The following DCAF17 variants were observed in gnomAD, a reference collection of about 807,000 sequenced individuals.
DCAF17 encodes the protein DDB1- and CUL4-associated factor 17.
Under a neutral mutation model 66.0 loss-of-function variants are expected in DCAF17, and 48 were observed. That is an observed-to-expected ratio of 0.73 (90% CI 0.58 to 0.92). The LOEUF (loss-of-function observed/expected upper bound fraction) is 0.92. DCAF17 is among the 40% of genes least tolerant of loss of function. The pLI is 0.00. For synonymous variants in DCAF17, 206 were observed against 214.6 expected, an observed-to-expected ratio of 0.96 and a Z score of 0.35; for missense variants, 562 against 622.8, an observed-to-expected ratio of 0.90 and a Z score of 1.04.
At position 171,456,210 on chromosome 2, in the gene DCAF17, G is replaced by A. The variant is rs536293122; in HGVS notation, c.628-1761G>A. Among the ~76,000 whole-genome samples, 716 of 152,138 alleles carry A rather than the reference G, an allele frequency of 4.7e-3. 5 individuals are homozygous for A. The highest frequency in any genetic ancestry group is 7.6e-3 in the Non-Finnish European group (518 of 67,976). ...TTGCGTATGGTGTAAGGAAGGGGTC[G>A]AGTTTCAATTTTCTGCATATGGCTA... is the stretch of plus-strand genomic sequence containing the variant. On this transcript the variant is annotated intron_variant, in intron 6 of 13. Transcript: ENST00000375255.
At chr2:171,452,100 G>C (rs1476111) in intron 5 of DCAF17, among the ~76,000 whole-genome samples, 37,519 of 151,938 alleles carry the variant, frequency 0.25, 4,695 homozygotes, top group Admixed American at 0.31. Flanking sequence ...TTATCCCTTT[G>C]GAAGGGAGAA....
At chr2:171,462,868 A>T (rs1695666817) in intron 8 of DCAF17, among the ~76,000 whole-genome samples, 1 of 152,208 alleles carries the variant, frequency 6.6e-6, no homozygotes, top group African/African-American at 2.4e-5. Context: ...ATACATTGGT[A>T]AGTGGCATTA....
rs1332877924 is a variant in DCAF17, at chr2:171,481,754, A to C, written c.*640A>C. The stretch of plus-strand genomic sequence containing the variant: ...TTCTCTTGGCTTGATGTTCACATTG[A>C]ATATTTGTGTTTCTATATAGGCTAA... On this transcript the variant is annotated 3_prime_UTR_variant, in exon 14 of 14. Transcript: ENST00000375255. The C allele has an allele frequency of 4.4e-6, 2 of 453,584 alleles. No homozygotes were observed. The highest frequency in any genetic ancestry group is 3.1e-5 in the South Asian group (2 of 64,332). The allele number at this position is 453,584 out of a possible 1,614,324, so 28.1% of individuals were successfully genotyped here.
At chr2:171,459,184 T>C (rs976744714) in intron 8 of DCAF17, among the ~76,000 whole-genome samples, 3 of 152,244 alleles carry the variant, frequency 2.0e-5, no homozygotes, top group African/African-American at 7.2e-5. Context: ...GGCACATGCC[T>C]GTAATCCCAC....
rs536507350 is a variant in DCAF17 at position 171,453,208 on chromosome 2, A to G, written c.622A>G (p.Lys208Glu). 2 of 1,609,466 alleles carry G rather than the reference A, an allele frequency of 1.2e-6. No homozygotes were observed. Among genetic ancestry groups the G allele is most frequent in the African/African-American group, 2.7e-5 (2 of 74,960 alleles). Residue 208 changes from lysine (K) to glutamate (E), a missense_variant, in exon 6 of 14, where the codon AAA becomes GAA. Lys to Glu is a moderately conservative substitution (Grantham distance 56). Coordinates refer to ENST00000375255, the MANE Select transcript of DCAF17 (RefSeq NM_025000.4). ...FSLVGILEIN[K>E]KIFGNVTDAT... ...ACTTGTAGGGATTCTAGAGATCAAC[A>G]AAAAGGTAAGAACTCATTTCTTATT... is the stretch of plus-strand genomic sequence containing the variant.
chr2:171,484,983 A>T lies in DCAF17; in HGVS notation c.*3869A>T. ...AGTTTGTTTTTTTATCTTTCTGTTG[A>T]TGGACACTGGGCTCTTTCTGCTTGT... On this transcript the variant is annotated 3_prime_UTR_variant, in exon 14 of 14. Coordinates refer to ENST00000375255, the MANE Select transcript of DCAF17 (RefSeq NM_025000.4). 2.2e-6 allele frequency: 1 copy of T among 453,950 alleles called. No homozygotes were observed. The highest frequency in any genetic ancestry group is 4.4e-6 in the Non-Finnish European group (1 of 226,750). The allele number at this position is 453,950 out of a possible 1,614,324, so 28.1% of individuals were successfully genotyped here.
In DCAF17 at chr2:171,434,444, C is replaced by T; in HGVS notation, c.-134C>T. 1 of 1,459,182 alleles carries T rather than the reference C, an allele frequency of 6.9e-7. No individual in the cohort carries two copies. The highest frequency in any genetic ancestry group is 9.2e-7 in the Non-Finnish European group (1 of 1,082,702). 90.4% of individuals were successfully genotyped at this position (1,459,182 alleles called of 1,614,324 possible). ...GTCGGGTGCTCCCTGCCCGCCTCCC[C>T]GTGTCAGCTTTCCCTGGGCCCCGCC... On this transcript the variant is annotated 5_prime_UTR_variant, in exon 1 of 14. Coordinates refer to ENST00000375255, the MANE Select transcript of DCAF17 (RefSeq NM_025000.4).
intron 2 of DCAF17, among the ~76,000 whole-genome samples, chr2:171,441,222 C>CT (rs981141158): frequency 1.6e-4 from 25 of 152,316 alleles, no homozygotes; most frequent in African/African-American, 6.0e-4. Flanking sequence ...AGAGCTATCT[C>CT]TTTTATGGCC....
At chr2:171,478,158 G>A in intron 12 of DCAF17, 88 bp downstream of exon 12, 1 of 1,275,514 alleles carries the variant, frequency 7.8e-7, no homozygotes, top group African/African-American at 1.5e-5. Context: ...TCCTGGGGTA[G>A]AGGTTGGGGT....
chr2:171,483,715 A>C lies in DCAF17; in HGVS notation c.*2601A>C. ...TAGTCACTGTGATACAGTATAAGTA[A>C]AGTGGGTTGTCTCATTTAATATTCA... On this transcript the variant is annotated 3_prime_UTR_variant, in exon 14 of 14. Transcript: ENST00000375255. 1 of 454,106 alleles carries C rather than the reference A, an allele frequency of 2.2e-6. No individual in the cohort carries two copies. Among genetic ancestry groups the C allele is most frequent in the Non-Finnish European group, 4.4e-6 (1 of 226,790 alleles). 28.1% of individuals were successfully genotyped at this position (454,106 alleles called of 1,614,324 possible).
chr2:171,457,618 TTAAA>T (rs1375067111), intron 6 of DCAF17, among the ~76,000 whole-genome samples: 2 of 152,366 alleles, frequency 1.3e-5, no homozygotes, highest in Non-Finnish European at 1.5e-5. Flanking sequence ...GAATAGTAGA[TTAAA>T]TATTCATTTA....
chr2:171,444,581 A>T (rs1029829945), intron 3 of DCAF17, among the ~76,000 whole-genome samples: 25 of 152,180 alleles, frequency 1.6e-4, no homozygotes, highest in African/African-American at 5.8e-4. Context: ...AATCCAAAGA[A>T]ATTCAAATCT....
At chr2:171,479,156 A>G (rs1284125030) in intron 12 of DCAF17, among the ~76,000 whole-genome samples, 1 of 152,222 alleles carries the variant, frequency 6.6e-6, no homozygotes, top group Admixed American at 6.5e-5. Context: ...ATAAATCCAT[A>G]TAAATTTTTA....
At chr2:171,469,296 TCTCATGTAAAAC>T (rs1471254982) in intron 9 of DCAF17, among the ~76,000 whole-genome samples, 1 of 152,152 alleles carries the variant, frequency 6.6e-6, no homozygotes, top group Non-Finnish European at 1.5e-5. Context: ...CAGCAAGGAA[TCTCATGTAAAAC>T]CTCTCCACAG....
chr2:171,454,506 G>A (rs938537094), intron 6 of DCAF17, among the ~76,000 whole-genome samples: 7 of 151,924 alleles, frequency 4.6e-5, no homozygotes, highest in African/African-American at 1.4e-4. Context: ...GGATGGTCTC[G>A]ATCTCCTGAC....
intron 3 of DCAF17, among the ~76,000 whole-genome samples, chr2:171,447,867 G>A (rs935403656): frequency 2.0e-5 from 3 of 152,194 alleles, no homozygotes; most frequent in African/African-American, 7.2e-5. Context: ...TCCACCTTGT[G>A]GTGGCTCCTC....
chr2:171,457,151 A>G (rs942441133), intron 6 of DCAF17, among the ~76,000 whole-genome samples: 2 of 152,224 alleles, frequency 1.3e-5, no homozygotes, highest in Non-Finnish European at 2.9e-5. Context: ...GTCAGAGTAA[A>G]CAATACTTAT....
rs1035420657 is a variant in DCAF17 at position 171,481,470 on chromosome 2, A to T, written c.*356A>T. On this transcript the variant is annotated 3_prime_UTR_variant, in exon 14 of 14. Transcript: ENST00000375255. Reference sequence around the variant, plus strand: ...CATTGATGAGTTCTTAAAGGATGGTATGGAATTTTGTTTGTTAAGGCTAGG... The same window carrying T: ...CATTGATGAGTTCTTAAAGGATGGTTTGGAATTTTGTTTGTTAAGGCTAGG... The T allele has an allele frequency of 4.6e-5, 21 of 459,346 alleles. No individual in the cohort carries two copies. Among genetic ancestry groups the T allele is most frequent in the Admixed American group, 2.8e-4 (12 of 42,640 alleles). The allele number at this position is 459,346 out of a possible 1,614,324, so 28.5% of individuals were successfully genotyped here. A position where few individuals can be genotyped will look rare whatever the true frequency, so the allele number is the denominator to read the frequency against.
Position 171,482,325 on chromosome 2 carries a change from A to G in DCAF17, c.*1211A>G, listed in dbSNP as rs1696777589. The G allele has an allele frequency of 2.2e-6, 1 of 453,598 alleles. No homozygotes were observed. Among genetic ancestry groups the G allele is most frequent in the Non-Finnish European group, 4.4e-6 (1 of 226,652 alleles). 28.1% of individuals were successfully genotyped at this position (453,598 alleles called of 1,614,324 possible). On this transcript the variant is annotated 3_prime_UTR_variant, in exon 14 of 14. Coordinates refer to ENST00000375255, the MANE Select transcript of DCAF17 (RefSeq NM_025000.4). ...ATTCAAGTTTAAGGTTAAAATATGG[A>G]ATTTTTAGCTTGGATGATTTATATT...
Sources: gnomAD v4.1 joint callset for allele counts (sites outside exome capture counted in the v4.1 genomes callset) on GRCh38, gnomAD v4.1.1 for gene constraint, MANE v1.5 for transcripts, NCBI Gene and HGNC (gene_info 2026-07-23, HGNC 2026-07-21) for gene names.